The following PLSCR1 variants were observed in gnomAD, a reference collection of about 807,000 sequenced individuals.
PLSCR1 encodes the protein phospholipid scramblase 1.
Under a neutral mutation model 37.8 loss-of-function variants are expected in PLSCR1, and 17 were observed. That is an observed-to-expected ratio of 0.45 (90% CI 0.31 to 0.68). The LOEUF is 0.68. PLSCR1 is among the 30% of genes least tolerant of loss of function. PLSCR1 has a pLI of 0.06. For missense variants in PLSCR1, 347 were observed against 380.9 expected (o/e 0.91, Z 0.74); for synonymous variants, 116 against 125.9 (o/e 0.92, Z 0.53).
intron 7 of PLSCR1, among the ~76,000 whole-genome samples, chr3:146,517,709 C>T (rs1015525332): frequency 5.3e-5 from 8 of 152,116 alleles, no homozygotes; most frequent in African/African-American, 1.2e-4. Context: ...AAATGCCCCA[C>T]GCCAAGGGTT....
In PLSCR1 at chr3:146,528,243, A is replaced by G. The variant is rs1000681084; in HGVS notation, c.312+371T>C. ...TTAGGTTCTCACCCCAGAGTGAGCT[A>G]TATAACCTCTCTGGACCTCAGTTTC... On this transcript the variant is annotated intron_variant, in intron 4 of 8. Coordinates refer to ENST00000342435, the MANE Select transcript of PLSCR1 (RefSeq NM_021105.3). 5 of 229,656 alleles carry G rather than the reference A, an allele frequency of 2.2e-5. No individual in the cohort carries two copies. In the East Asian group the frequency reaches 6.0e-4, roughly 28 times the overall value. The allele number at this position is 229,656 out of a possible 1,614,324, so 14.2% of individuals were successfully genotyped here. A position where few individuals can be genotyped will look rare whatever the true frequency, so the allele number is the denominator to read the frequency against.
chr3:146,544,205 G>C (rs1368357109), intron 1 of PLSCR1, among the ~76,000 whole-genome samples: 1 of 152,204 alleles, frequency 6.6e-6, no homozygotes, highest in Non-Finnish European at 1.5e-5. Context: ...GGGTGAGCCC[G>C]GGTGCCGCTG....
intron 5 of PLSCR1, among the ~76,000 whole-genome samples, chr3:146,523,029 C>T (rs533946797): frequency 3.9e-5 from 6 of 152,212 alleles, no homozygotes; most frequent in Non-Finnish European, 8.8e-5. Flanking sequence ...ATCCCCCTCT[C>T]CGGGAAACGC....
intron 7 of PLSCR1, among the ~76,000 whole-genome samples, chr3:146,517,845 AG>A (rs1345357966): frequency 1.3e-5 from 2 of 152,192 alleles, no homozygotes; most frequent in African/African-American, 4.8e-5. Context: ...GCCATCATAT[AG>A]GGTTGAATGG....
At position 146,517,187 on chromosome 3, in the gene PLSCR1, T is replaced by G. The variant is rs1426436027; in HGVS notation, c.739-20A>C. On this transcript the variant is annotated intron_variant, in intron 7 of 8. Transcript: ENST00000342435. ...TTTAATCTAAATTGAAAAAAAAAAG[T>G]ATTAAATACTTTTAGGAAACTTATA... 15 of 1,363,274 alleles carry G rather than the reference T, an allele frequency of 1.1e-5. No individual in the cohort carries two copies. The highest frequency in any genetic ancestry group is 1.5e-5 in the African/African-American group (1 of 66,620). 84.4% of individuals were successfully genotyped at this position (1,363,274 alleles called of 1,614,324 possible). A position where few individuals can be genotyped will look rare whatever the true frequency, so the allele number is the denominator to read the frequency against.
intron 5 of PLSCR1, among the ~76,000 whole-genome samples, chr3:146,524,596 A>G (rs1226302826): frequency 1.3e-5 from 2 of 152,126 alleles, no homozygotes; most frequent in Non-Finnish European, 2.9e-5. Context: ...ATGTTTGGTT[A>G]TATGTCTGTT....
intron 2 of PLSCR1, among the ~76,000 whole-genome samples, chr3:146,535,058 C>A (rs2044248149): frequency 6.6e-6 from 1 of 152,072 alleles, no homozygotes; most frequent in South Asian, 2.1e-4. Flanking sequence ...TGACCTAACT[C>A]CCTAGTTCTC....
chr3:146,529,461 C>T (rs191810139), intron 3 of PLSCR1, among the ~76,000 whole-genome samples: 38 of 152,090 alleles, frequency 2.5e-4, no homozygotes, highest in Non-Finnish European at 4.6e-4. Flanking sequence ...ATTGTCCAGC[C>T]CAAAATATTA....
At chr3:146,534,808 G>A (rs974703235) in intron 2 of PLSCR1, among the ~76,000 whole-genome samples, 12 of 152,032 alleles carry the variant, frequency 7.9e-5, no homozygotes, top group African/African-American at 1.9e-4. Context: ...CCCGGGAGGC[G>A]GAGGTTGCAG....
intron 8 of PLSCR1, 96 bp downstream of exon 8, chr3:146,516,910 T>C: frequency 2.3e-6 from 2 of 856,506 alleles, no homozygotes; most frequent in Non-Finnish European, 3.6e-6. Flanking sequence ...ATCTATAAAT[T>C]TTAAAATGTC....
At chr3:146,543,632 A>G (rs2044365956) in intron 1 of PLSCR1, among the ~76,000 whole-genome samples, 1 of 152,182 alleles carries the variant, frequency 6.6e-6, no homozygotes, top group Admixed American at 6.5e-5. Context: ...GAATGAAACC[A>G]CCTGGGAACC....
At chr3:146,532,711 C>G (rs1325941089) in intron 3 of PLSCR1, among the ~76,000 whole-genome samples, 1 of 152,202 alleles carries the variant, frequency 6.6e-6, no homozygotes, top group Non-Finnish European at 1.5e-5. Context: ...GATGCTCTTT[C>G]AAGATGTGGG....
chr3:146,523,146 T>G (rs765484157), intron 5 of PLSCR1, among the ~76,000 whole-genome samples: 9 of 152,216 alleles, frequency 5.9e-5, no homozygotes, highest in Non-Finnish European at 1.0e-4. Context: ...TCTCTATACT[T>G]TGTCTCTGTG....
chr3:146,517,052 A>G lies in PLSCR1; in HGVS notation c.854T>C (p.Leu285Pro). 1 of 1,602,148 alleles carries G rather than the reference A, an allele frequency of 6.2e-7. No individual in the cohort carries two copies. The highest frequency in any genetic ancestry group is 8.5e-7 in the Non-Finnish European group (1 of 1,174,044). Reference sequence around the variant, plus strand: ...CATTACAGCTTTCATTTTAACATCAAGGTCTAAAGGGAACTGGATTCCAAA... The same window carrying G: ...CATTACAGCTTTCATTTTAACATCAGGGTCTAAAGGGAACTGGATTCCAAA... The part of the protein sequence containing the change: ...DNFGIQFPLD[L>P]DVKMKAVMIG... Residue 285 changes from leucine to proline, a missense_variant, in exon 8 of 9, where the codon CTT (leucine) becomes CCT (proline). Coordinates refer to ENST00000342435, the MANE Select transcript of PLSCR1 (RefSeq NM_021105.3).
intron 3 of PLSCR1, among the ~76,000 whole-genome samples, chr3:146,533,127 TGGAG>T (rs1186096860): frequency 2.0e-5 from 3 of 152,198 alleles, no homozygotes; most frequent in Non-Finnish European, 4.4e-5. Context: ...TCAGAACAGA[TGGAG>T]GATCAATAAA....
At chr3:146,531,505 A>AT (rs1469955397) in intron 3 of PLSCR1, among the ~76,000 whole-genome samples, 1 of 152,192 alleles carries the variant, frequency 6.6e-6, no homozygotes, top group African/African-American at 2.4e-5. Flanking sequence ...AATTTCTTAC[A>AT]TTTTTAACAT....
At chr3:146,539,415 T>A (rs984416434) in intron 1 of PLSCR1, among the ~76,000 whole-genome samples, 1 of 152,212 alleles carries the variant, frequency 6.6e-6, no homozygotes, top group Admixed American at 6.5e-5. Flanking sequence ...GCCCAGTTCC[T>A]AACAGGCCAC....
Position 146,538,340 on chromosome 3 carries a change from C to T in PLSCR1, c.-13-1775G>A, listed in dbSNP as rs529454426. Among the ~76,000 whole-genome samples, 22 of 152,256 alleles carry T rather than the reference C, an allele frequency of 1.4e-4. No homozygotes were observed. The South Asian group carries it at 3.1e-3, about 22-fold the overall frequency. ...AAGAGGACATGATTTTTGTCAATCT[C>T]ACATTTCTACCATCAAAGACTATAC... On this transcript the variant is annotated intron_variant, in intron 1 of 8. Coordinates refer to ENST00000342435, the MANE Select transcript of PLSCR1 (RefSeq NM_021105.3).
chr3:146,515,883 AC>A lies in PLSCR1; in HGVS notation c.*161del. 1 of 457,726 alleles carries A rather than the reference AC, an allele frequency of 2.2e-6. No individual in the cohort carries two copies. Among genetic ancestry groups the A allele is most frequent in the Non-Finnish European group, 3.9e-6 (1 of 255,146 alleles). The allele number at this position is 457,726 out of a possible 1,614,324, so 28.4% of individuals were successfully genotyped here. A position where few individuals can be genotyped will look rare whatever the true frequency, so the allele number is the denominator to read the frequency against. On this transcript the variant is annotated 3_prime_UTR_variant, in exon 9 of 9. Transcript: ENST00000342435. ...AATGAGTATTAAAAAATGTACAAAA[AC>A]CTTTATAAATCAGTTATACAGAAGA... is the stretch of plus-strand genomic sequence containing the variant.
Sources: allele counts gnomAD v4.1 joint callset (sites outside exome capture counted in the v4.1 genomes callset), GRCh38; gene constraint gnomAD v4.1.1; transcripts MANE v1.5; gene names NCBI Gene and HGNC (gene_info 2026-07-23, HGNC 2026-07-21).